MAP2: variants seen among roughly 807,000 people sequenced by gnomAD.
MAP2 encodes microtubule-associated protein 2.
A neutral mutation model predicts 137.6 loss-of-function variants in MAP2; 14 were observed. The observed-to-expected ratio is 0.10, with a 90% CI of 0.07 to 0.16. MAP2 has a LOEUF of 0.16. Ranked by LOEUF, MAP2 falls within the 10% of genes least tolerant of loss-of-function variation. The pLI, the probability that MAP2 is intolerant of heterozygous loss-of-function variation, is 1.00. For synonymous variants in MAP2, 786 were observed against 782.3 expected (o/e 1.00, Z -0.08); for missense variants, 2,088 against 2,191.5 (o/e 0.95, Z 0.94).
chr2:209,592,651 A>ATT (rs1431132233), intron 3 of MAP2, among the ~76,000 whole-genome samples: 4 of 152,342 alleles, frequency 2.6e-5, no homozygotes, highest in Non-Finnish European at 5.9e-5. Context: ...GAAATCTGAA[A>ATT]TAAGTCAGGT....
Position 209,596,871 on chromosome 2 carries a change from T to C in MAP2, c.-107+16771T>C, listed in dbSNP as rs75900862. ...ACTCATACCTAAAGCCAATAATTAATGTAGTATAGATTACTTTTGCCCCCA... is the reference window on the plus strand; with the variant it reads ...ACTCATACCTAAAGCCAATAATTAACGTAGTATAGATTACTTTTGCCCCCA... On this transcript the variant is annotated intron_variant, in intron 3 of 15. Coordinates refer to ENST00000682079, the MANE Select transcript of MAP2 (RefSeq NM_001375505.1). Among the ~76,000 whole-genome samples the C allele has an allele frequency of 9.6e-4, 147 of 152,336 alleles. 2 individuals carry two copies. In the East Asian group the frequency reaches 0.023, roughly 24 times the overall value.
intron 2 of MAP2, among the ~76,000 whole-genome samples, chr2:209,522,926 T>C (rs1476206598): frequency 6.6e-6 from 1 of 152,180 alleles, no homozygotes; most frequent in Non-Finnish European, 1.5e-5. Flanking sequence ...CTCTAATAAA[T>C]TTACAGTTGT....
chr2:209,608,076 A>G (rs1000468657), intron 3 of MAP2, among the ~76,000 whole-genome samples: 1 of 152,168 alleles, frequency 6.6e-6, no homozygotes, highest in Non-Finnish European at 1.5e-5. Context: ...TTTATGTTGA[A>G]TGACCTCTCT....
chr2:209,558,249 C>T (rs780179996), intron 2 of MAP2, among the ~76,000 whole-genome samples: 2 of 152,042 alleles, frequency 1.3e-5, no homozygotes, highest in South Asian at 2.1e-4. Context: ...AGTGCAGTGG[C>T]GTGATCTTGG....
At chr2:209,517,112 T>A (rs2062620078) in intron 2 of MAP2, among the ~76,000 whole-genome samples, 1 of 152,124 alleles carries the variant, frequency 6.6e-6, no homozygotes, top group African/African-American at 2.4e-5. Context: ...TTTACCAAGT[T>A]TCTCTATCAG....
rs568736686 is a variant in MAP2, at chr2:209,725,687, A to T, written c.5074-22A>T. 6 of 1,511,374 alleles carry T rather than the reference A, an allele frequency of 4.0e-6. No individual in the cohort carries two copies. In the African/African-American group the frequency reaches 5.6e-5, roughly 14 times the overall value. 93.6% of individuals were successfully genotyped at this position (1,511,374 alleles called of 1,614,324 possible). ...TGTCCATGTTTGAACTATTTTAAGC[A>T]TGTTTTATGTGGTTCACATAGGTAC... On this transcript the variant is annotated intron_variant, in intron 13 of 15. Coordinates refer to ENST00000682079, the MANE Select transcript of MAP2 (RefSeq NM_001375505.1).
At chr2:209,558,033 A>T (rs1559317730) in intron 2 of MAP2, among the ~76,000 whole-genome samples, 1 of 152,354 alleles carries the variant, frequency 6.6e-6, no homozygotes, top group East Asian at 1.9e-4. Context: ...AAAGAATAGT[A>T]CAATGAATAT....
intron 13 of MAP2, among the ~76,000 whole-genome samples, chr2:209,725,153 C>A (rs77743458): frequency 0.12 from 18,174 of 152,070 alleles, 1,404 homozygotes; most frequent in East Asian, 0.23. Flanking sequence ...TTTCAGTAAA[C>A]CACACAGAAG....
intron 3 of MAP2, among the ~76,000 whole-genome samples, chr2:209,619,137 T>C (rs2366111): frequency 0.01 from 1,558 of 152,216 alleles, 26 homozygotes; most frequent in African/African-American, 0.035. Context: ...GTTGGGGGTA[T>C]GCTGGGGAGA....
rs34459550 is a variant in MAP2, at chr2:209,607,232, G to T, written c.-106-17821G>T. On this transcript the variant is annotated intron_variant, in intron 3 of 15. Coordinates refer to ENST00000682079, the MANE Select transcript of MAP2 (RefSeq NM_001375505.1). ...GTTGAAGGTGTTTTGAATATTTAAA[G>T]TTTCTTTATTTCAGTACTTAAAGAA... 3.9e-3 allele frequency among the ~76,000 whole-genome samples: 589 copies of T among 152,206 alleles called. 1 individual carries two copies. The highest frequency in any genetic ancestry group is 7.1e-3 in the South Asian group (34 of 4,820).
chr2:209,621,879 A>G (rs2091295116), intron 3 of MAP2, among the ~76,000 whole-genome samples: 1 of 152,208 alleles, frequency 6.6e-6, no homozygotes, highest in Non-Finnish European at 1.5e-5. Context: ...CATTGCATGC[A>G]TATCTTATTT....
intron 1 of MAP2, among the ~76,000 whole-genome samples, chr2:209,451,487 T>G (rs1335039689): frequency 2.6e-5 from 4 of 152,168 alleles, no homozygotes; most frequent in Non-Finnish European, 4.4e-5. Context: ...GCAGTAGCTG[T>G]GGTGGGGTCT....
At chr2:209,635,942 G>GCAAGA (rs1056395969) in intron 4 of MAP2, among the ~76,000 whole-genome samples, 1 of 152,150 alleles carries the variant, frequency 6.6e-6, no homozygotes, top group Non-Finnish European at 1.5e-5. Flanking sequence ...TAAGTAGCCA[G>GCAAGA]CAAGACCCCA....
At chr2:209,474,479 C>A (rs1706654613) in intron 1 of MAP2, among the ~76,000 whole-genome samples, 1 of 151,992 alleles carries the variant, frequency 6.6e-6, no homozygotes, top group East Asian at 1.9e-4. Context: ...AAAGCAGATT[C>A]TCAATGCTGG....
intron 5 of MAP2, among the ~76,000 whole-genome samples, chr2:209,658,674 T>G (rs1478977300): frequency 6.6e-6 from 1 of 151,940 alleles, no homozygotes; most frequent in African/African-American, 2.4e-5. Context: ...GCCTGGCTAA[T>G]TTTTGTATTT....
At chr2:209,678,533 T>C in intron 5 of MAP2, 39 bp from the exon 6 acceptor site, 1 of 1,073,914 alleles carries the variant, frequency 9.3e-7, no homozygotes, top group Non-Finnish European at 1.4e-6. Flanking sequence ...TTCTCAGACT[T>C]CTCATCGTTA....
At chr2:209,721,624 A>G (rs1302956069) in intron 13 of MAP2, among the ~76,000 whole-genome samples, 2 of 152,216 alleles carry the variant, frequency 1.3e-5, no homozygotes, top group African/African-American at 2.4e-5. Context: ...AAATCATAAA[A>G]ATGATCAAAC....
At chr2:209,539,404 C>A (rs1278805271) in intron 2 of MAP2, among the ~76,000 whole-genome samples, 1 of 152,176 alleles carries the variant, frequency 6.6e-6, no homozygotes, top group African/African-American at 2.4e-5. Context: ...TGACATGAGT[C>A]AGAACAGCTG....
At chr2:209,719,722 T>TA (rs2069406181) in intron 13 of MAP2, among the ~76,000 whole-genome samples, 1 of 152,154 alleles carries the variant, frequency 6.6e-6, no homozygotes, top group Admixed American at 6.5e-5. Context: ...AGAAAGAAAT[T>TA]ACAATATTCT....
Sources: allele counts gnomAD v4.1 joint callset (sites outside exome capture counted in the v4.1 genomes callset), GRCh38; gene constraint gnomAD v4.1.1; transcripts MANE v1.5; gene names NCBI Gene and HGNC (gene_info 2026-07-23, HGNC 2026-07-21).